TBXAS1: variants seen among roughly 807,000 people sequenced by gnomAD.
TBXAS1 encodes thromboxane A synthase 1.
A neutral mutation model predicts 60.7 loss-of-function variants in TBXAS1; 48 were observed. That is an observed-to-expected ratio of 0.79 (90% CI 0.63 to 1.01). TBXAS1 has a LOEUF of 1.01. Ranked by LOEUF, TBXAS1 falls within the 50% of genes least tolerant of loss-of-function variation. TBXAS1 has a pLI of 0.00. For missense variants in TBXAS1, 685 were observed against 686.3 expected, an observed-to-expected ratio of 1.00 and a Z score of 0.02; for synonymous variants, 287 against 269.7, an observed-to-expected ratio of 1.06 and a Z score of -0.63.
At chr7:139,820,392 A>C (rs939610913) in intron 4 of TBXAS1, among the ~76,000 whole-genome samples, 1 of 152,212 alleles carries the variant, frequency 6.6e-6, no homozygotes, top group African/African-American at 2.4e-5. Flanking sequence ...AGCAACATCA[A>C]GAGCAACTTG....
At chr7:139,796,367 C>T (rs994785997) in intron 4 of TBXAS1, among the ~76,000 whole-genome samples, 30 of 152,218 alleles carry the variant, frequency 2.0e-4, no homozygotes, top group Admixed American at 2.0e-3. Context: ...GCATACTGCA[C>T]TGTGAAACAA....
intron 3 of TBXAS1, among the ~76,000 whole-genome samples, chr7:139,898,413 CTTTTTTTTTTTTT>C (rs71170921): frequency 8.5e-5 from 7 of 82,252 alleles, no homozygotes; most frequent in South Asian, 9.0e-4. Context: ...ACGTGCATGG[CTTTTTTTTTTTTT>C]TTTTTTTTTT....
rs117625101 is a variant in TBXAS1, at chr7:139,939,591, G to A, written c.450+3284G>A. Among the ~76,000 whole-genome samples, 962 of 151,992 alleles carry A rather than the reference G, an allele frequency of 6.3e-3. 13 individuals are homozygous for A. Among genetic ancestry groups the A allele is most frequent in the South Asian group, 0.04 (190 of 4,804 alleles). On this transcript the variant is annotated intron_variant, in intron 5 of 12. Coordinates refer to ENST00000448866, the MANE Select transcript of TBXAS1 (RefSeq NM_001061.7). ...CACCTCTGGGGATTTTAGACCTGGC[G>A]AGTTGAAGTTTACTGGAAGGCCCCT...
chr7:139,859,647 G>A (rs1012026963), intron 1 of TBXAS1, among the ~76,000 whole-genome samples: 1 of 152,104 alleles, frequency 6.6e-6, no homozygotes, highest in Non-Finnish European at 1.5e-5. Flanking sequence ...TTGCAGATAT[G>A]GCCAAAATTA....
At chr7:139,979,918 C>T (rs1811847551) in intron 9 of TBXAS1, among the ~76,000 whole-genome samples, 1 of 151,518 alleles carries the variant, frequency 6.6e-6, no homozygotes, top group African/African-American at 2.4e-5. Context: ...TTCCATGTAA[C>T]ATTGGGTTTT....
chr7:139,926,336 T>C (rs1569514435), intron 4 of TBXAS1, among the ~76,000 whole-genome samples: 1 of 152,220 alleles, frequency 6.6e-6, no homozygotes, highest in Non-Finnish European at 1.5e-5. Context: ...TACTTGTTAT[T>C]GATCTGTTCA....
chr7:139,981,563 G>T (rs58303790), intron 9 of TBXAS1, among the ~76,000 whole-genome samples: 9,199 of 152,314 alleles, frequency 0.06, 387 homozygotes, highest in African/African-American at 0.12. Flanking sequence ...CCCCTTGCTC[G>T]TCTGGTCAAG....
intron 5 of TBXAS1, among the ~76,000 whole-genome samples, chr7:139,948,031 A>G (rs1442603106): frequency 6.6e-6 from 1 of 152,034 alleles, no homozygotes; most frequent in Non-Finnish European, 1.5e-5. Context: ...CACCTGGCTA[A>G]TTTTTGTATT....
chr7:139,989,576 C>G (rs1812742771), intron 9 of TBXAS1, among the ~76,000 whole-genome samples: 1 of 152,196 alleles, frequency 6.6e-6, no homozygotes, highest in African/African-American at 2.4e-5. Flanking sequence ...CAGGGAGGAC[C>G]CCTGTGGTCT....
At chr7:139,983,903 A>G (rs1370752513) in intron 9 of TBXAS1, among the ~76,000 whole-genome samples, 1 of 152,132 alleles carries the variant, frequency 6.6e-6, no homozygotes, top group African/African-American at 2.4e-5. Context: ...AGTGGATTGG[A>G]GCTCCCCTTC....
At chr7:139,952,596 G>A (rs979462085) in intron 5 of TBXAS1, 20 of 1,537,124 alleles carry the variant, frequency 1.3e-5, no homozygotes, top group Non-Finnish European at 1.7e-5. Context: ...TCACATGGGT[G>A]GCCAGCAGGC....
At chr7:139,824,299 C>A (rs184977893), upstream of TBXAS1, among the ~76,000 whole-genome samples, 1 of 152,210 alleles carries the variant, frequency 6.6e-6, no homozygotes, top group African/African-American at 2.4e-5. Context: ...CACCTCCCCG[C>A]ATGGCTCGAG....
rs1216777223 is a variant in TBXAS1 at position 139,947,625 on chromosome 7, C to T, written c.451-5743C>T. Among the ~76,000 whole-genome samples, 4 of 152,170 alleles carry T rather than the reference C, an allele frequency of 2.6e-5. No individual in the cohort carries two copies. The East Asian group carries it at 7.7e-4, about 29-fold the overall frequency. ...GAATCTCCAGGTTATGCAGAACCTT[C>T]CTTCCTTGGGGAATTTGCTTCCCAG... On this transcript the variant is annotated intron_variant, in intron 5 of 12. Coordinates refer to ENST00000448866, the MANE Select transcript of TBXAS1 (RefSeq NM_001061.7).
rs541745496 is a variant in TBXAS1 at position 139,888,480 on chromosome 7, G to C, written c.236+12843G>C. Among the ~76,000 whole-genome samples, 3 of 152,210 alleles carry C rather than the reference G, an allele frequency of 2.0e-5. No homozygotes were observed. The South Asian group carries it at 6.2e-4, about 32-fold the overall frequency. On this transcript the variant is annotated intron_variant, in intron 3 of 12. Coordinates refer to ENST00000448866, the MANE Select transcript of TBXAS1 (RefSeq NM_001061.7). ...CAAAATCCTGTTCTTGCAATTGGTG[G>C]CTTCTCAATTTTTTTCCTCTGGGTT... is the stretch of plus-strand genomic sequence containing the variant.
At chr7:139,929,663 T>A (rs1032243443) in intron 4 of TBXAS1, among the ~76,000 whole-genome samples, 4 of 152,244 alleles carry the variant, frequency 2.6e-5, no homozygotes. Context: ...TTCCGACTGC[T>A]CAGTCCAAAA....
At chr7:139,800,620 AC>A in intron 4 of TBXAS1, among the ~76,000 whole-genome samples, 1 of 152,120 alleles carries the variant, frequency 6.6e-6, no homozygotes, top group East Asian at 1.9e-4. Flanking sequence ...GCTCCGAAAG[AC>A]CCCGGAGTGT....
At chr7:139,846,971 T>C (rs1799858434) in intron 1 of TBXAS1, among the ~76,000 whole-genome samples, 1 of 152,126 alleles carries the variant, frequency 6.6e-6, no homozygotes, top group South Asian at 2.1e-4. Flanking sequence ...TTGATCACTT[T>C]TCCATACGGT....
intron 1 of TBXAS1, among the ~76,000 whole-genome samples, chr7:139,830,861 T>C (rs756283748): frequency 1.3e-5 from 2 of 152,132 alleles, no homozygotes; most frequent in Non-Finnish European, 2.9e-5. Context: ...CTGACTGTGG[T>C]TCTCAAAGCG....
intron 1 of TBXAS1, among the ~76,000 whole-genome samples, chr7:139,865,136 T>G (rs1245838511): frequency 2.6e-5 from 4 of 152,116 alleles, no homozygotes; most frequent in Non-Finnish European, 5.9e-5. Flanking sequence ...CTTAAGGGAA[T>G]GGAGAGGGGG....
Sources: allele counts gnomAD v4.1 joint callset (sites outside exome capture counted in the v4.1 genomes callset), GRCh38; gene constraint gnomAD v4.1.1; transcripts MANE v1.5; gene names NCBI Gene and HGNC (gene_info 2026-07-23, HGNC 2026-07-21).